The following ZNF793 variants were observed in gnomAD, a reference collection of about 807,000 sequenced individuals.
The protein encoded by ZNF793 is zinc finger protein 793.
Under a neutral mutation model 12.4 loss-of-function variants are expected in ZNF793, and 5 were observed. The ratio of observed to expected loss-of-function variants is 0.40; its 90% CI spans 0.21 to 0.84. The LOEUF (loss-of-function observed/expected upper bound fraction) is 0.84, where lower values mean the gene tolerates loss of function less well. ZNF793 is among the 40% of genes least tolerant of loss of function. The probability of loss-of-function intolerance (pLI) is 0.35; values close to 1 mark genes in which losing one functional copy is unlikely to be tolerated. For missense variants in ZNF793, 456 were observed against 495.0 expected, an observed-to-expected ratio of 0.92 and a Z score of 0.75; for synonymous variants, 162 against 172.4, an observed-to-expected ratio of 0.94 and a Z score of 0.47.
intron 5 of ZNF793, among the ~76,000 whole-genome samples, chr19:37,529,596 G>A (rs546575291): frequency 6.6e-5 from 10 of 152,138 alleles, no homozygotes; most frequent in African/African-American, 1.9e-4. Flanking sequence ...AGTTTCAAGC[G>A]ATTCTCCTGC....
chr19:37,528,324 G>A (rs984252933), intron 5 of ZNF793, among the ~76,000 whole-genome samples: 1 of 152,034 alleles, frequency 6.6e-6, no homozygotes, highest in Non-Finnish European at 1.5e-5. Context: ...AGGCCCTGGT[G>A]TCCACTTTTT....
intron 1 of ZNF793, chr19:37,507,439 A>G (rs1347863580): frequency 6.6e-6 from 1 of 152,210 alleles, no homozygotes; most frequent in African/African-American, 2.4e-5. Context: ...GTGGGCAGTA[A>G]TAGTTTGGGT....
rs898277569 is a variant in ZNF793 at position 37,508,780 on chromosome 19, CAG to C, written c.-276+380_-276+381del. On this transcript the variant is annotated intron_variant, in intron 2 of 7. Coordinates refer to ENST00000627814, the MANE Select transcript of ZNF793 (RefSeq NM_001013659.3). ...TAAAAGATTTGGCTGAAAGAGCAAA[CAG>C]AGTGTTTAGAAAATACTTTTATCTA... Among the ~76,000 whole-genome samples, 4 of 152,044 alleles carry C rather than the reference CAG, an allele frequency of 2.6e-5. No homozygotes were observed. The South Asian group carries it at 6.2e-4, about 24-fold the overall frequency.
At chr19:37,513,201 A>C (rs1053747047) in intron 2 of ZNF793, among the ~76,000 whole-genome samples, 2 of 152,152 alleles carry the variant, frequency 1.3e-5, no homozygotes, top group African/African-American at 4.8e-5. Flanking sequence ...ATTATTACTA[A>C]GTATGTTGTA....
At chr19:37,534,274 T>G (rs1568326133) in intron 7 of ZNF793, 1 of 152,176 alleles carries the variant, frequency 6.6e-6, no homozygotes, top group Admixed American at 6.6e-5. Context: ...CTCTTTCCAG[T>G]GGTGTAATCC....
chr19:37,541,082 C>G lies in ZNF793; in HGVS notation c.*3203C>G, dbSNP rs73031309. 1 of 151,738 alleles carries G rather than the reference C, an allele frequency of 6.6e-6. No individual in the cohort carries two copies. Among genetic ancestry groups the G allele is most frequent in the African/African-American group, 2.4e-5 (1 of 41,284 alleles). The allele number at this position is 151,738 out of a possible 1,614,324, so 9.4% of individuals were successfully genotyped here. On this transcript the variant is annotated 3_prime_UTR_variant, in exon 8 of 8. Coordinates refer to ENST00000627814, the MANE Select transcript of ZNF793 (RefSeq NM_001013659.3). ...AACAGGTAAATACATCATTAGAACACAGTAGAAAATTCAGAAATAGACTTC... is the reference window on the plus strand; with the variant it reads ...AACAGGTAAATACATCATTAGAACAGAGTAGAAAATTCAGAAATAGACTTC...
At chr19:37,510,822 G>A (rs536243698) in intron 2 of ZNF793, among the ~76,000 whole-genome samples, 1 of 151,276 alleles carries the variant, frequency 6.6e-6, no homozygotes, top group African/African-American at 2.4e-5. Flanking sequence ...TCAGCCTCCC[G>A]AGTAGCTGGG....
chr19:37,534,674 C>T (rs2042490122), intron 7 of ZNF793: 2 of 151,898 alleles, frequency 1.3e-5, no homozygotes, highest in African/African-American at 4.8e-5. Flanking sequence ...TTTAAATCTT[C>T]CTCTCTGCTT....
chr19:37,515,706 A>G (rs539926549), intron 2 of ZNF793, among the ~76,000 whole-genome samples: 1 of 152,366 alleles, frequency 6.6e-6, no homozygotes, highest in East Asian at 1.9e-4. Flanking sequence ...AACAGATGAA[A>G]GAGAAAATTG....
chr19:37,508,023 A>G (rs572537837), intron 1 of ZNF793, among the ~76,000 whole-genome samples: 20 of 152,220 alleles, frequency 1.3e-4, no homozygotes, highest in Non-Finnish European at 2.1e-4. Context: ...GCAAGCCTGC[A>G]TAGCGGGAAC....
At chr19:37,509,940 T>C (rs1245110739) in intron 2 of ZNF793, among the ~76,000 whole-genome samples, 2 of 152,112 alleles carry the variant, frequency 1.3e-5, no homozygotes, top group Non-Finnish European at 2.9e-5. Context: ...TCTAATTTAA[T>C]GGGATATTCA....
Position 37,531,007 on chromosome 19 carries a change from AAT to A in ZNF793, c.16-1342_16-1341del, listed in dbSNP as rs545717952. On this transcript the variant is annotated intron_variant, in intron 5 of 7. Coordinates refer to ENST00000627814, the MANE Select transcript of ZNF793 (RefSeq NM_001013659.3). ...ATTTTAGTGGTTACTTCAGGGATAC[AAT>A]ATATATCTTACTTTTCACAGTTTAT... Among the ~76,000 whole-genome samples the A allele has an allele frequency of 1.2e-3, 184 of 152,278 alleles. 2 individuals are homozygous for A. Among genetic ancestry groups the A allele is most frequent in the African/African-American group, 3.9e-3 (162 of 41,556 alleles).
At chr19:37,522,364 A>G (rs547368163) in intron 3 of ZNF793, among the ~76,000 whole-genome samples, 168 bp from the exon 4 acceptor site, 364 of 151,916 alleles carry the variant, frequency 2.4e-3, no homozygotes, top group Non-Finnish European at 4.3e-3. Flanking sequence ...CACCCGGCAA[A>G]TTTTTGTATT....
chr19:37,521,026 C>T (rs1370794303), intron 3 of ZNF793, among the ~76,000 whole-genome samples: 5 of 149,804 alleles, frequency 3.3e-5, no homozygotes, highest in Admixed American at 6.7e-5. Context: ...CTCACTCTGT[C>T]GCCCAGGCTG....
intron 2 of ZNF793, among the ~76,000 whole-genome samples, chr19:37,516,145 T>C (rs2042330189): frequency 6.6e-6 from 1 of 152,196 alleles, no homozygotes; most frequent in Non-Finnish European, 1.5e-5. Context: ...TGTTTTGTTT[T>C]GTTTTGAGAC....
At chr19:37,512,196 A>G (rs182132849) in intron 2 of ZNF793, among the ~76,000 whole-genome samples, 18 of 152,206 alleles carry the variant, frequency 1.2e-4, no homozygotes, top group African/African-American at 4.1e-4. Flanking sequence ...TTTGGTTTTG[A>G]TTTTAAATAA....
chr19:37,533,479 T>C, intron 7 of ZNF793, 76 bp downstream of exon 7: 4 of 1,350,262 alleles, frequency 3.0e-6, no homozygotes, highest in Non-Finnish European at 4.2e-6. Context: ...CATTCTTCTC[T>C]TAAAAGCCTT....
intron 2 of ZNF793, among the ~76,000 whole-genome samples, chr19:37,514,696 C>G (rs568019425): frequency 6.6e-6 from 1 of 151,754 alleles, no homozygotes; most frequent in Admixed American, 6.6e-5. Context: ...TGCATTGATT[C>G]CAAAAACTGG....
chr19:37,532,413 C>T lies in ZNF793; in HGVS notation c.73C>T (p.Leu25=). 2.5e-6 allele frequency: 4 copies of T among 1,614,158 alleles called. No individual in the cohort carries two copies. The highest frequency in any genetic ancestry group is 1.6e-4 in the Middle Eastern group (1 of 6,062). The change falls in exon 6 of 8, where the codon CTG becomes TTG. Residue 25 remains leucine, a synonymous_variant. Coordinates refer to ENST00000627814, the MANE Select transcript of ZNF793 (RefSeq NM_001013659.3). The stretch of plus-strand genomic sequence containing the variant: ...CTTCACCCAAGAGGAGTGGCACCGG[C>T]TGAGTCCTGCTCAGAGGGCCCTGTA... ...VGFTQEEWHR[L]SPAQRALYRD...
Sources: gnomAD v4.1 joint callset for allele counts (sites outside exome capture counted in the v4.1 genomes callset) on GRCh38, gnomAD v4.1.1 for gene constraint, MANE v1.5 for transcripts, NCBI Gene and HGNC (gene_info 2026-07-23, HGNC 2026-07-21) for gene names.